The following GTF3C1 variants were observed in gnomAD, a reference collection of about 807,000 sequenced individuals.
The protein encoded by GTF3C1 is general transcription factor 3C polypeptide 1.
GTF3C1 carries 57 observed loss-of-function variants against 226.7 expected under a neutral mutation model. That is an observed-to-expected ratio of 0.25 (90% CI 0.20 to 0.31). GTF3C1 has a LOEUF of 0.31. Ranked by LOEUF, GTF3C1 falls within the 10% of genes least tolerant of loss-of-function variation. The probability of loss-of-function intolerance (pLI) is 1.00; values close to 1 mark genes in which losing one functional copy is unlikely to be tolerated. For missense variants in GTF3C1, 2,217 were observed against 2,776.1 expected (o/e 0.80, Z 4.53); for synonymous variants, 1,090 against 1,084.8 (o/e 1.00, Z -0.09).
rs183251821 is a variant in GTF3C1, at chr16:27,492,426, G to C, written c.3063C>G (p.Phe1021Leu). The change falls in exon 19 of 37, where the codon TTC (phenylalanine) becomes TTG (leucine). Residue 1021 changes from phenylalanine to leucine, a missense_variant. By Grantham distance (22) the Phe-to-Leu change is conservative. This residue lies in a region of GTF3C1 where 353 missense variants were observed against 411.7 expected (regional missense o/e 0.86). Coordinates refer to ENST00000356183, the MANE Select transcript of GTF3C1 (RefSeq NM_001520.4). This position sits in a 1 kb window ranked among gnomAD's most constrained non-coding sequence, Gnocchi z 5.0. The stretch of plus-strand genomic sequence containing the variant: ...AGTTCAGGACATAGAGGCGCCTCTC[G>C]AAGGGCCGGCTGCTGCGGGCCAGGT... ...HYNLARSSRP[F>L]ERRLYVLNSM... The C allele has an allele frequency of 2.5e-6, 4 of 1,611,166 alleles. No homozygotes were observed. The highest frequency in any genetic ancestry group is 3.4e-6 in the Non-Finnish European group (4 of 1,177,382).
rs2087732929 is a variant in GTF3C1 at position 27,463,355 on chromosome 16, T to C, written c.5924+186A>G. ...TCCAGGCCGACCTGGGCACTGCCAGTGCTCAGCACGCCTGCTGCTCGCCCA... is the reference window on the plus strand; with the variant it reads ...TCCAGGCCGACCTGGGCACTGCCAGCGCTCAGCACGCCTGCTGCTCGCCCA... On this transcript the variant is annotated intron_variant, in intron 35 of 36. Coordinates refer to ENST00000356183, the MANE Select transcript of GTF3C1 (RefSeq NM_001520.4). The surrounding 1 kb of genome is among the most constrained non-coding windows in gnomAD (Gnocchi z 4.9). 4 of 638,106 alleles carry C rather than the reference T, an allele frequency of 6.3e-6. No individual in the cohort carries two copies. Among genetic ancestry groups the C allele is most frequent in the South Asian group, 1.9e-5 (1 of 52,688 alleles). The allele number at this position is 638,106 out of a possible 1,614,324, so 39.5% of individuals were successfully genotyped here.
chr16:27,505,642 T>C (rs1596640127), intron 10 of GTF3C1, among the ~76,000 whole-genome samples: 1 of 152,264 alleles, frequency 6.6e-6, no homozygotes, highest in African/African-American at 2.4e-5. Flanking sequence ...TAAATCTAAC[T>C]GAAAAGAATA....
chr16:27,515,789 A>G (rs962728463), intron 6 of GTF3C1, among the ~76,000 whole-genome samples: 4 of 152,336 alleles, frequency 2.6e-5, no homozygotes, highest in Non-Finnish European at 4.4e-5. Flanking sequence ...CATGGCTGAG[A>G]CAGCATCTGT....
chr16:27,506,872 CT>C lies in GTF3C1; in HGVS notation c.1526del (p.Gln509ArgfsTer15). The C allele has an allele frequency of 6.2e-7, 1 of 1,611,752 alleles. No homozygotes were observed. The highest frequency in any genetic ancestry group is 8.5e-7 in the Non-Finnish European group (1 of 1,179,414). On this transcript the variant is annotated frameshift_variant, in exon 9 of 37. Coordinates refer to ENST00000356183, the MANE Select transcript of GTF3C1 (RefSeq NM_001520.4). LOFTEE classifies it high-confidence loss of function. ...RASANLRPKT[Q>X]PHHSTPTKGG... Reference sequence around the variant, plus strand: ...CCTTGGTTGGGGTGGAGTGATGAGGCTGGGTCTTGGGCCGGAGGTTTGCAGA... The same window carrying C: ...CCTTGGTTGGGGTGGAGTGATGAGGCGGGTCTTGGGCCGGAGGTTTGCAGA...
intron 7 of GTF3C1, among the ~76,000 whole-genome samples, chr16:27,511,276 C>G (rs2088567326): frequency 1.3e-5 from 2 of 152,186 alleles, no homozygotes; most frequent in South Asian, 2.1e-4. Context: ...CTGCAGCCCC[C>G]TCTTCTGCTG....
At chr16:27,515,649 A>C (rs1403303865) in intron 6 of GTF3C1, among the ~76,000 whole-genome samples, 1 of 152,124 alleles carries the variant, frequency 6.6e-6, no homozygotes, top group African/African-American at 2.4e-5. Context: ...CCAGGCAGAG[A>C]AGTGTTTCCA....
At chr16:27,496,363 G>A (rs968437463) in intron 14 of GTF3C1, among the ~76,000 whole-genome samples, 1 of 152,268 alleles carries the variant, frequency 6.6e-6, no homozygotes, top group East Asian at 1.9e-4. Flanking sequence ...AAGGATTTCT[G>A]GCTTGATGAG....
chr16:27,468,166 G>C (rs2087811913), intron 32 of GTF3C1, among the ~76,000 whole-genome samples: 1 of 152,210 alleles, frequency 6.6e-6, no homozygotes, highest in South Asian at 2.1e-4. Context: ...CTGAAGATGG[G>C]ATGGAACTGC....
In GTF3C1 at chr16:27,462,075, C is replaced by A. The variant is rs966543823; in HGVS notation, c.6117+219G>T. 2 of 572,516 alleles carry A rather than the reference C, an allele frequency of 3.5e-6. No homozygotes were observed. Among genetic ancestry groups the A allele is most frequent in the Non-Finnish European group, 6.2e-6 (2 of 320,444 alleles). The allele number at this position is 572,516 out of a possible 1,614,324, so 35.5% of individuals were successfully genotyped here. ...ACAGAGAAAGCATCAGAGACAAGCACCCCGGGCACCCCATCTTCCAGCCTG... is the reference window on the plus strand; with the variant it reads ...ACAGAGAAAGCATCAGAGACAAGCAACCCGGGCACCCCATCTTCCAGCCTG... On this transcript the variant is annotated intron_variant, in intron 36 of 36. Transcript: ENST00000356183. This position sits in a 1 kb window ranked among gnomAD's most constrained non-coding sequence, Gnocchi z 4.5.
At position 27,494,941 on chromosome 16, in the gene GTF3C1, C is replaced by A. The variant is rs2088293581; in HGVS notation, c.2633-33G>T. 3 of 1,595,950 alleles carry A rather than the reference C, an allele frequency of 1.9e-6. No homozygotes were observed. The African/African-American group carries it at 4.0e-5, about 21-fold the overall frequency. On this transcript the variant is annotated intron_variant, in intron 15 of 36. Transcript: ENST00000356183. ...AAAAACGCACGGTTACCCCCGGCAG[C>A]CAGGATACCAGTCACCATGGTGACA...
intron 28 of GTF3C1, among the ~76,000 whole-genome samples, chr16:27,477,943 G>A (rs999533341): frequency 6.6e-6 from 1 of 152,220 alleles, no homozygotes; most frequent in Non-Finnish European, 1.5e-5. Context: ...ACCAAGGTGG[G>A]CAGATCACTT....
chr16:27,536,983 C>T (rs1367213682), intron 4 of GTF3C1, among the ~76,000 whole-genome samples: 3 of 152,226 alleles, frequency 2.0e-5, no homozygotes, highest in Admixed American at 2.0e-4. Context: ...CTACTCACTC[C>T]CCCAGTCTCC....
At chr16:27,511,717 C>T in intron 7 of GTF3C1, 32 bp downstream of exon 7, 1 of 1,609,526 alleles carries the variant, frequency 6.2e-7, no homozygotes, top group Non-Finnish European at 8.5e-7. Flanking sequence ...TCTCGGGATC[C>T]ATATCCAAGC....
intron 2 of GTF3C1, among the ~76,000 whole-genome samples, chr16:27,538,683 T>G (rs2089036883): frequency 6.6e-6 from 1 of 152,112 alleles, no homozygotes; most frequent in Non-Finnish European, 1.5e-5. Context: ...GGCCCATCCC[T>G]CCCTGCCTTG....
chr16:27,485,972 A>T, intron 24 of GTF3C1, 25 bp downstream of exon 24: 1 of 1,540,928 alleles, frequency 6.5e-7, no homozygotes, highest in Non-Finnish European at 8.8e-7. Flanking sequence ...GGGCAGGCCC[A>T]CCGCTGGGCT....
intron 2 of GTF3C1, among the ~76,000 whole-genome samples, chr16:27,540,043 C>G (rs951006063): frequency 1.3e-5 from 2 of 152,106 alleles, no homozygotes; most frequent in Admixed American, 1.3e-4. Flanking sequence ...TCTTCTCAGC[C>G]CTAGTATTTG....
chr16:27,481,310 T>G, intron 26 of GTF3C1, 119 bp from the exon 27 acceptor site: 1 of 795,738 alleles, frequency 1.3e-6, no homozygotes, highest in South Asian at 1.6e-5. Context: ...CGAGAACCAC[T>G]GACCAGGTGC....
chr16:27,472,174 A>C (rs764763989), intron 29 of GTF3C1, among the ~76,000 whole-genome samples: 2 of 152,122 alleles, frequency 1.3e-5, no homozygotes, highest in African/African-American at 4.8e-5. Context: ...AAGGACAGGG[A>C]ACTGACGAGA....
chr16:27,492,606 AG>A lies in GTF3C1; in HGVS notation c.2973+10del, dbSNP rs2088249994. On this transcript the variant is annotated intron_variant, in intron 18 of 36. Transcript: ENST00000356183. The surrounding 1 kb of genome is among the most constrained non-coding windows in gnomAD (Gnocchi z 5.0). ...TCAGAATTTCCTTCGTTTGGGCTTG[AG>A]GGACATTACCTGATCTTTATCCTGA... is the stretch of plus-strand genomic sequence containing the variant. 6.4e-7 allele frequency: 1 copy of A among 1,567,120 alleles called. No individual in the cohort carries two copies. The highest frequency in any genetic ancestry group is 1.1e-5 in the South Asian group (1 of 90,180).
Sources: allele counts gnomAD v4.1 joint callset (sites outside exome capture counted in the v4.1 genomes callset), GRCh38; gene constraint gnomAD v4.1.1; regional missense constraint gnomAD v4.1.1; non-coding constraint Gnocchi (gnomAD v3.1); transcripts MANE v1.5; gene names NCBI Gene and HGNC (gene_info 2026-07-23, HGNC 2026-07-21).